The following ANKRD36C variants were observed in gnomAD, a reference collection of about 807,000 sequenced individuals.
ANKRD36C encodes the protein ankyrin repeat domain-containing protein 36C.
A neutral mutation model predicts 276.4 loss-of-function variants in ANKRD36C; 61 were observed. The observed-to-expected ratio is 0.22, with a 90% CI of 0.18 to 0.27. The LOEUF is 0.27. ANKRD36C is among the 10% of genes least tolerant of loss of function. The pLI is 1.00. For synonymous variants in ANKRD36C, 483 were observed against 680.1 expected (o/e 0.71, Z 4.51); for missense variants, 1,447 against 2,032.3 (o/e 0.71, Z 5.54).
At chr2:95,910,471 T>C in intron 42 of ANKRD36C, 26 bp from the exon 46 acceptor site, 1 of 1,591,264 alleles carries the variant, frequency 6.3e-7, no homozygotes. Context: ...AACGAAATAA[T>C]AAATAAATAA....
intron 14 of ANKRD36C, among the ~76,000 whole-genome samples, chr2:95,953,277 A>G (rs1313072901): frequency 1.3e-5 from 2 of 152,142 alleles, no homozygotes; most frequent in Non-Finnish European, 2.9e-5. Flanking sequence ...TATATTGCCA[A>G]GCTTGGTCTT....
chr2:95,894,591 C>T (rs1439228872), intron 44 of ANKRD36C, among the ~76,000 whole-genome samples: 1 of 151,326 alleles, frequency 6.6e-6, no homozygotes, highest in Non-Finnish European at 1.5e-5. Flanking sequence ...TTGGGAGTAT[C>T]ATGTTATGTT....
chr2:95,955,132 A>AAAG (rs1414321755), intron 13 of ANKRD36C, among the ~76,000 whole-genome samples: 1 of 152,240 alleles, frequency 6.6e-6, no homozygotes, highest in African/African-American at 2.4e-5. Flanking sequence ...AGAATTGAGA[A>AAAG]AAGAGTCAGA....
intron 19 of ANKRD36C, among the ~76,000 whole-genome samples, chr2:95,942,760 G>A (rs1677929339): frequency 6.6e-6 from 1 of 152,312 alleles, no homozygotes; most frequent in African/African-American, 2.4e-5. Flanking sequence ...CTCACATGAA[G>A]AGAGAAGAAA....
rs201920761 is a variant in ANKRD36C at position 95,947,158 on chromosome 2, T to G, written c.1362+1372A>C. Among the ~76,000 whole-genome samples, 52 of 151,770 alleles carry G rather than the reference T, an allele frequency of 3.4e-4. No individual in the cohort carries two copies. In the South Asian group the frequency reaches 5.6e-3, roughly 16 times the overall value. On this transcript the variant is annotated intron_variant, in intron 17 of 66. Coordinates refer to ENST00000456556, the Ensembl canonical transcript of ANKRD36C. ...TCTAAAATCCTAATCTAAGCTTCCA[T>G]TTGGAAGATATTAGAAAACACGCTG...
At chr2:95,936,043 C>T (rs1406625505) in intron 22 of ANKRD36C, among the ~76,000 whole-genome samples, 2 of 150,260 alleles carry the variant, frequency 1.3e-5, no homozygotes, top group African/African-American at 5.1e-5. Flanking sequence ...GCATAGTTAA[C>T]AAAAATACTC....
At chr2:95,872,947 C>G (rs1318656456) in intron 59 of ANKRD36C, among the ~76,000 whole-genome samples, 2 of 152,188 alleles carry the variant, frequency 1.3e-5, no homozygotes, top group Admixed American at 6.5e-5. Context: ...GAAACATACA[C>G]CCTCCCAAGA....
At chr2:95,916,118 A>G in intron 37 of ANKRD36C, 25 bp downstream of exon 39, 2 of 1,605,506 alleles carry the variant, frequency 1.2e-6, no homozygotes, top group Non-Finnish European at 1.7e-6. Context: ...TTACTAGCTC[A>G]CAATATAAAT....
At chr2:95,926,370 A>G (rs1677403418) in intron 28 of ANKRD36C, among the ~76,000 whole-genome samples, 1 of 151,646 alleles carries the variant, frequency 6.6e-6, no homozygotes, top group Non-Finnish European at 1.5e-5. Context: ...AAGTCAATTA[A>G]TGAATTCACC....
intron 42 of ANKRD36C, among the ~76,000 whole-genome samples, chr2:95,909,675 A>C (rs1676852957): frequency 6.7e-6 from 1 of 148,880 alleles, no homozygotes; most frequent in South Asian, 2.2e-4. Context: ...TCTGTAACTA[A>C]AATCAACAAA....
At chr2:95,923,723 T>C in intron 30 of ANKRD36C, 34 bp from the exon 31 acceptor site, 1 of 1,607,944 alleles carries the variant, frequency 6.2e-7, no homozygotes, top group South Asian at 1.1e-5. Context: ...ATCACTCATA[T>C]GTAAATATGA....
chr2:95,858,164 C>T (rs1420474236), intron 61 of ANKRD36C, among the ~76,000 whole-genome samples: 1 of 151,692 alleles, frequency 6.6e-6, no homozygotes, highest in Non-Finnish European at 1.5e-5. Flanking sequence ...GACCCAACCA[C>T]CTTGGGCACA....
chr2:95,935,901 A>T (rs1054920871), intron 22 of ANKRD36C, among the ~76,000 whole-genome samples: 1 of 152,306 alleles, frequency 6.6e-6, no homozygotes, highest in African/African-American at 2.4e-5. Context: ...TTATACTATA[A>T]TACTACAATA....
At chr2:95,896,343 T>C (rs1294803799) in intron 44 of ANKRD36C, among the ~76,000 whole-genome samples, 1 of 148,928 alleles carries the variant, frequency 6.7e-6, no homozygotes, top group Non-Finnish European at 1.5e-5. Context: ...AAGCATTAGA[T>C]ATTAATCAGT....
intron 59 of ANKRD36C, among the ~76,000 whole-genome samples, chr2:95,871,941 GA>G (rs1471031097): frequency 1.3e-5 from 2 of 150,320 alleles, no homozygotes; most frequent in Non-Finnish European, 1.5e-5. Flanking sequence ...TAATGGTAAA[GA>G]GATCAATTCA....
Position 95,852,215 on chromosome 2 carries a change from A to T in ANKRD36C, c.5149-19T>A. On this transcript the variant is annotated intron_variant, in intron 64 of 66. Coordinates refer to ENST00000456556, the Ensembl canonical transcript of ANKRD36C. ...CTTGAAACTAAAACAAAGAATTTTA[A>T]AAAATTACATTTGGAAATGACCTAA... The T allele has an allele frequency of 6.3e-7, 1 of 1,581,544 alleles. No individual in the cohort carries two copies. The highest frequency in any genetic ancestry group is 1.3e-5 in the African/African-American group (1 of 74,260).
intron 3 of ANKRD36C, among the ~76,000 whole-genome samples, chr2:95,986,309 ACATAC>A: frequency 6.6e-6 from 1 of 152,050 alleles, no homozygotes; most frequent in East Asian, 1.9e-4. Context: ...AATCACCTTC[ACATAC>A]AATACTTGTC....
intron 44 of ANKRD36C, among the ~76,000 whole-genome samples, chr2:95,894,458 AC>A (rs1205990655): frequency 4.6e-5 from 7 of 151,518 alleles, no homozygotes; most frequent in African/African-American, 1.7e-4. Context: ...ACAAAGTAAA[AC>A]TGCTACAAGC....
At chr2:95,919,910 C>A (rs1159700599) in intron 34 of ANKRD36C, 22 of 1,545,748 alleles carry the variant, frequency 1.4e-5, no homozygotes, top group Non-Finnish European at 1.9e-5. Context: ...CTGGTTGTTT[C>A]TGAGAAGACA....
Sources: gnomAD v4.1 joint callset for allele counts (sites outside exome capture counted in the v4.1 genomes callset) on GRCh38, gnomAD v4.1.1 for gene constraint, MANE v1.5 for transcripts, NCBI Gene and HGNC (gene_info 2026-07-23, HGNC 2026-07-21) for gene names.